TBC1D19: variants seen among roughly 807,000 people sequenced by gnomAD.
TBC1D19 encodes the protein TBC1 domain family member 19.
In TBC1D19, 60 loss-of-function variants were observed where a neutral mutation model predicts 89.0. The ratio of observed to expected loss-of-function variants is 0.67; its 90% CI spans 0.55 to 0.84. The LOEUF (loss-of-function observed/expected upper bound fraction) is 0.84. Among genes scored for constraint, TBC1D19 ranks in the 40% least tolerant of loss-of-function variants. The pLI, the probability that TBC1D19 is intolerant of heterozygous loss-of-function variation, is 0.00. For synonymous variants in TBC1D19, 189 were observed against 199.7 expected, an observed-to-expected ratio of 0.95 and a Z score of 0.45; for missense variants, 500 against 610.8, an observed-to-expected ratio of 0.82 and a Z score of 1.91.
At chr4:26,661,661 G>C (rs193209500) in intron 8 of TBC1D19, among the ~76,000 whole-genome samples, 95 of 152,220 alleles carry the variant, frequency 6.2e-4, no homozygotes, top group Non-Finnish European at 1.1e-3. Flanking sequence ...GGCATTTCAG[G>C]TTCTGATTTA....
At chr4:26,602,420 A>G (rs2109985189) in intron 1 of TBC1D19, among the ~76,000 whole-genome samples, 1 of 150,140 alleles carries the variant, frequency 6.7e-6, no homozygotes, top group South Asian at 2.1e-4. Context: ...AACTGATACC[A>G]AACCCTATTG....
intron 14 of TBC1D19, among the ~76,000 whole-genome samples, chr4:26,719,565 C>T (rs2109267725): frequency 6.6e-6 from 1 of 152,150 alleles, no homozygotes; most frequent in Non-Finnish European, 1.5e-5. Flanking sequence ...TGTGAATATA[C>T]TTTACTTTTC....
At chr4:26,624,390 T>G (rs981816360) in intron 4 of TBC1D19, among the ~76,000 whole-genome samples, 1 of 152,186 alleles carries the variant, frequency 6.6e-6, no homozygotes, top group Non-Finnish European at 1.5e-5. Context: ...TTATTTTTAT[T>G]TTTTGAGACT....
Position 26,622,657 on chromosome 4 carries a change from T to C in TBC1D19, c.294+1969T>C, listed in dbSNP as rs73813806. Among the ~76,000 whole-genome samples the C allele has an allele frequency of 9.3e-3, 1,417 of 152,246 alleles. 23 individuals carry two copies. Among genetic ancestry groups the C allele is most frequent in the African/African-American group, 0.032 (1,348 of 41,548 alleles). ...TTTACATTTTTAAGTGGTTGAAAAA[T>C]CAAAATAAGGATAATCTTGTGACAC... On this transcript the variant is annotated intron_variant, in intron 4 of 20. Transcript: ENST00000264866.
intron 7 of TBC1D19, among the ~76,000 whole-genome samples, chr4:26,658,305 G>A (rs994327866): frequency 6.6e-6 from 1 of 152,138 alleles, no homozygotes; most frequent in African/African-American, 2.4e-5. Context: ...TTCTGCATAT[G>A]GCTAGCCAGT....
At chr4:26,813,761 T>G in the TBC1D19 span, among the ~76,000 whole-genome samples, 291 of 152,248 alleles carry the variant, frequency 1.9e-3, 1 homozygote, top group Non-Finnish European at 3.2e-3. Context: ...TCCCCGCGCC[T>G]CTCCTGGATT....
the TBC1D19 span, among the ~76,000 whole-genome samples, chr4:26,855,096 C>T: frequency 6.6e-6 from 1 of 152,162 alleles, no homozygotes; most frequent in Middle Eastern, 3.2e-3. Context: ...ATTTTTCTGC[C>T]TCCTTCTGTG....
At chr4:26,628,168 C>G (rs962173521) in intron 4 of TBC1D19, among the ~76,000 whole-genome samples, 1 of 151,994 alleles carries the variant, frequency 6.6e-6, no homozygotes, top group South Asian at 2.1e-4. Flanking sequence ...GCTTGTTTTT[C>G]TCAGGTTTGT....
the TBC1D19 span, among the ~76,000 whole-genome samples, chr4:26,809,779 C>T: frequency 6.6e-6 from 1 of 152,274 alleles, no homozygotes. Context: ...TGGTGCTTCC[C>T]CTGCCCAAGC....
chr4:26,744,894 G>A (rs959448449), intron 18 of TBC1D19, among the ~76,000 whole-genome samples: 4 of 152,116 alleles, frequency 2.6e-5, no homozygotes, highest in South Asian at 4.1e-4. Context: ...TAATAATGAT[G>A]TTCAAACCTT....
At chr4:26,638,925 G>A (rs1743310235) in intron 6 of TBC1D19, 91 bp downstream of exon 6, 3 of 1,054,232 alleles carry the variant, frequency 2.8e-6, no homozygotes, top group African/African-American at 1.6e-5. Context: ...CAATTCTTTT[G>A]GGAAGATTGC....
At chr4:26,650,970 G>A (rs1012200025) in intron 7 of TBC1D19, among the ~76,000 whole-genome samples, 1 of 152,110 alleles carries the variant, frequency 6.6e-6, no homozygotes, top group African/African-American at 2.4e-5. Flanking sequence ...TATTAAATAG[G>A]GAATCCTTTC....
upstream of TBC1D19, among the ~76,000 whole-genome samples, chr4:26,581,466 A>C (rs1238455856): frequency 2.6e-5 from 4 of 152,184 alleles, no homozygotes; most frequent in Non-Finnish European, 5.9e-5. Context: ...ATGAGTGAGA[A>C]CATGGGGTGT....
the TBC1D19 span, among the ~76,000 whole-genome samples, chr4:26,769,718 G>A: frequency 1.3e-5 from 2 of 151,640 alleles, no homozygotes; most frequent in Non-Finnish European, 2.9e-5. Flanking sequence ...GCTAATTTTT[G>A]TATTTTTTTT....
chr4:26,655,282 A>G (rs551832587), intron 7 of TBC1D19, among the ~76,000 whole-genome samples: 1 of 152,196 alleles, frequency 6.6e-6, no homozygotes, highest in Non-Finnish European at 1.5e-5. Context: ...GTCTGCCCCT[A>G]CTGGGGCGTG....
Position 26,606,049 on chromosome 4 carries a change from G to T in TBC1D19, c.100-7120G>T, listed in dbSNP as rs184848531. 4.6e-5 allele frequency among the ~76,000 whole-genome samples: 7 copies of T among 152,290 alleles called. No homozygotes were observed. In the East Asian group the frequency reaches 1.4e-3, roughly 29 times the overall value. On this transcript the variant is annotated intron_variant, in intron 1 of 20. Coordinates refer to ENST00000264866, the MANE Select transcript of TBC1D19 (RefSeq NM_018317.4). ...AATTTTTTTGAGATGTAGTCTCACT[G>T]TGTTGCCCAGGTTGGTCTCAAAGTC...
At chr4:26,645,762 A>T (rs910599307) in intron 7 of TBC1D19, among the ~76,000 whole-genome samples, 1 of 152,240 alleles carries the variant, frequency 6.6e-6, no homozygotes, top group Non-Finnish European at 1.5e-5. Context: ...CCCATGTGAC[A>T]TAGGGTTAAT....
At chr4:26,633,578 C>G (rs1175339413) in intron 4 of TBC1D19, among the ~76,000 whole-genome samples, 2 of 152,114 alleles carry the variant, frequency 1.3e-5, no homozygotes, top group Non-Finnish European at 2.9e-5. Context: ...CAGGGGTTAG[C>G]AGCTTTACAG....
chr4:26,706,781 TA>T (rs1171441434), intron 13 of TBC1D19, among the ~76,000 whole-genome samples: 5 of 152,146 alleles, frequency 3.3e-5, no homozygotes, highest in Non-Finnish European at 5.9e-5. Flanking sequence ...ATTTCTTCTT[TA>T]ATCCATTGGC....
Sources: allele counts gnomAD v4.1 joint callset (sites outside exome capture counted in the v4.1 genomes callset), GRCh38; gene constraint gnomAD v4.1.1; transcripts MANE v1.5; gene names NCBI Gene and HGNC (gene_info 2026-07-23, HGNC 2026-07-21).